The following KIF25 variants were observed in gnomAD, a reference collection of about 807,000 sequenced individuals.
KIF25 encodes the protein kinesin-like protein KIF25.
In KIF25, 19 loss-of-function variants were observed where a neutral mutation model predicts 32.9. The observed-to-expected ratio is 0.58, with a 90% confidence interval of 0.40 to 0.85. The LOEUF is 0.85. Ranked by LOEUF, KIF25 falls within the 40% of genes least tolerant of loss-of-function variation. The probability of loss-of-function intolerance (pLI) is 0.00; values close to 1 mark genes in which losing one functional copy is unlikely to be tolerated. For missense variants in KIF25, 485 were observed against 507.0 expected (o/e 0.96, Z 0.42); for synonymous variants, 225 against 213.7 (o/e 1.05, Z -0.46).
intron 8 of KIF25, among the ~76,000 whole-genome samples, chr6:168,037,895 T>C (rs1012272486): frequency 1.1e-4 from 17 of 152,162 alleles, no homozygotes; most frequent in African/African-American, 3.6e-4. Flanking sequence ...TTTGTATTTT[T>C]GGTAGAGATG....
At chr6:168,043,913 C>G (rs979975812) in intron 12 of KIF25, among the ~76,000 whole-genome samples, 3 of 152,222 alleles carry the variant, frequency 2.0e-5, no homozygotes, top group Admixed American at 1.3e-4. Context: ...AGGAGAAGTC[C>G]TGGGCACACG....
intron 5 of KIF25, among the ~76,000 whole-genome samples, chr6:168,023,550 G>A (rs528862051): frequency 4.6e-5 from 7 of 152,158 alleles, no homozygotes; most frequent in African/African-American, 1.4e-4. Context: ...TTACAGGCGT[G>A]AGCCACCATG....
In KIF25 at chr6:168,013,030, G is replaced by A. The variant is rs537616311; in HGVS notation, c.-162-4943G>A. ...AGGTGCAAGGCTGCATGCCTGGCTC[G>A]GGGATATGCTTACTGATGGTGGCTG... On this transcript the variant is annotated intron_variant, in intron 4 of 12. Transcript: ENST00000643607. Among the ~76,000 whole-genome samples, 61 of 152,152 alleles carry A rather than the reference G, an allele frequency of 4.0e-4. No homozygotes were observed. The South Asian group carries it at 0.012, about 29-fold the overall frequency.
chr6:168,000,911 T>C (rs529150136), intron 2 of KIF25, among the ~76,000 whole-genome samples: 10 of 152,368 alleles, frequency 6.6e-5, no homozygotes, highest in African/African-American at 2.4e-4. Context: ...AGTGTTTGCA[T>C]CCTGCAGTTT....
intron 5 of KIF25, among the ~76,000 whole-genome samples, chr6:168,020,593 G>A (rs1328245925): frequency 6.6e-6 from 1 of 152,186 alleles, no homozygotes; most frequent in Non-Finnish European, 1.5e-5. Flanking sequence ...CTGGGAGTGG[G>A]CGTGCAAGTG....
chr6:168,030,658 G>A (rs1377660449), intron 6 of KIF25, 115 bp from the exon 7 acceptor site: 2 of 665,154 alleles, frequency 3.0e-6, no homozygotes, highest in Non-Finnish European at 5.3e-6. Flanking sequence ...GAATCCTGAT[G>A]GCGTTGGGGG....
intron 4 of KIF25, among the ~76,000 whole-genome samples, chr6:168,014,688 C>A (rs1798690311): frequency 6.6e-6 from 1 of 152,216 alleles, no homozygotes; most frequent in Non-Finnish European, 1.5e-5. Context: ...CTCAGCATTT[C>A]ATCGTTTGGA....
intron 4 of KIF25, among the ~76,000 whole-genome samples, chr6:168,009,672 G>A (rs991741780): frequency 6.6e-6 from 1 of 152,044 alleles, no homozygotes; most frequent in Non-Finnish European, 1.5e-5. Flanking sequence ...TTAAAGGTTT[G>A]GTCGAATTTA....
intron 5 of KIF25, among the ~76,000 whole-genome samples, chr6:168,027,617 C>A (rs1798881119): frequency 6.6e-6 from 1 of 152,104 alleles, no homozygotes; most frequent in Non-Finnish European, 1.5e-5. Context: ...GAGGTGGGTG[C>A]TGGGGGTGCC....
chr6:168,022,865 C>G (rs1411467589), intron 5 of KIF25, among the ~76,000 whole-genome samples: 3 of 145,712 alleles, frequency 2.1e-5, no homozygotes, highest in Non-Finnish European at 3.0e-5. Flanking sequence ...CACAAAAGTT[C>G]TGAATCAGTT....
chr6:168,016,912 G>T (rs375089455), intron 4 of KIF25, among the ~76,000 whole-genome samples: 4 of 152,256 alleles, frequency 2.6e-5, no homozygotes, highest in South Asian at 2.1e-4. Context: ...TGAGGCTGGC[G>T]TTCCGTCATT....
chr6:168,029,475 G>T lies in KIF25; in HGVS notation c.-94-17G>T. 1.3e-6 allele frequency: 2 copies of T among 1,502,830 alleles called. No homozygotes were observed. The highest frequency in any genetic ancestry group is 8.9e-7 in the Non-Finnish European group (1 of 1,123,068). The allele number at this position is 1,502,830 out of a possible 1,614,324, so 93.1% of individuals were successfully genotyped here. On this transcript the variant is annotated splice_polypyrimidine_tract_variant and intron_variant, in intron 5 of 12. Coordinates refer to ENST00000643607, the MANE Select transcript of KIF25 (RefSeq NM_030615.4). ...CGTGGTAATACTGTTACGTTTTCAA[G>T]TCATGATCCTTTACAGATATACTGG...
chr6:168,007,679 C>T (rs1173495174), intron 4 of KIF25, among the ~76,000 whole-genome samples: 1 of 152,174 alleles, frequency 6.6e-6, no homozygotes, highest in Non-Finnish European at 1.5e-5. Flanking sequence ...AAGGCTGATC[C>T]TCTGCCTAAT....
chr6:168,042,418 T>C (rs1328171345), intron 11 of KIF25, 143 bp from the exon 12 acceptor site: 2 of 1,119,800 alleles, frequency 1.8e-6, no homozygotes, highest in East Asian at 2.4e-5. Flanking sequence ...AGCAGAGCCA[T>C]GAAAGACACT....
At position 167,998,188 on chromosome 6, in the gene KIF25, A is replaced by G. The variant is rs549490210; in HGVS notation, c.-1281A>G. On this transcript the variant is annotated 5_prime_UTR_variant, in exon 1 of 13. Coordinates refer to ENST00000643607, the MANE Select transcript of KIF25 (RefSeq NM_030615.4). Reference sequence around the variant, plus strand: ...TTTTTTTTTTTTAATCTGGAGCATGAAAAAGATAATATGAACCTTCCTAAG... The same window carrying G: ...TTTTTTTTTTTTAATCTGGAGCATGGAAAAGATAATATGAACCTTCCTAAG... The G allele has an allele frequency of 6.6e-6, 1 of 152,030 alleles. No individual in the cohort carries two copies. The highest frequency in any genetic ancestry group is 1.9e-4 in the East Asian group (1 of 5,176). The allele number at this position is 152,030 out of a possible 1,614,324, so 9.4% of individuals were successfully genotyped here.
At chr6:168,004,026 A>G (rs1408839692) in intron 4 of KIF25, among the ~76,000 whole-genome samples, 1 of 152,212 alleles carries the variant, frequency 6.6e-6, no homozygotes, top group African/African-American at 2.4e-5. Flanking sequence ...TCATGGGTGA[A>G]CTTTGTGATT....
intron 10 of KIF25, among the ~76,000 whole-genome samples, chr6:168,040,950 T>C (rs1164208884): frequency 6.6e-6 from 1 of 152,184 alleles, no homozygotes; most frequent in East Asian, 1.9e-4. Context: ...TTGAGCTGCG[T>C]CCAATTCCCT....
chr6:168,042,579 G>A lies in KIF25; in HGVS notation c.848G>A (p.Gly283Glu), dbSNP rs1441515835. ...TGTCCAGGTGTGTCTGGAGTGACCG[G>A]GTTGGCCCTGAGGGAGATGGCGTGC... ...SECVGVSGVT[G>E]LALREMACIS... Residue 283 changes from glycine (G) to glutamate (E), a missense_variant, in exon 12 of 13, where the codon GGG becomes GAG. Coordinates refer to ENST00000643607, the MANE Select transcript of KIF25 (RefSeq NM_030615.4). 1 of 1,613,754 alleles carries A rather than the reference G, an allele frequency of 6.2e-7. No homozygotes were observed. Among genetic ancestry groups the A allele is most frequent in the African/African-American group, 1.3e-5 (1 of 74,918 alleles).
At chr6:168,042,236 C>A in intron 11 of KIF25, 85 bp downstream of exon 11, 1 of 1,374,038 alleles carries the variant, frequency 7.3e-7, no homozygotes, top group Non-Finnish European at 9.8e-7. Flanking sequence ...CCAGGCAGCC[C>A]GGGAAGCTCT....
Sources: allele counts gnomAD v4.1 joint callset (sites outside exome capture counted in the v4.1 genomes callset), GRCh38; gene constraint gnomAD v4.1.1; transcripts MANE v1.5; gene names NCBI Gene and HGNC (gene_info 2026-07-23, HGNC 2026-07-21).